Variants in SYNPO observed in about 807,000 individuals in gnomAD.
SYNPO encodes synaptopodin.
SYNPO carries 19 observed loss-of-function variants against 49.5 expected under a neutral mutation model. The observed-to-expected ratio is 0.38, with a 90% confidence interval of 0.27 to 0.56. SYNPO has a LOEUF of 0.56. Ranked by LOEUF, SYNPO falls within the 20% of genes least tolerant of loss-of-function variation. The probability of loss-of-function intolerance (pLI) is 0.68; values close to 1 mark genes in which losing one functional copy is unlikely to be tolerated. For synonymous variants in SYNPO, 536 were observed against 548.0 expected, an observed-to-expected ratio of 0.98 and a Z score of 0.31; for missense variants, 1,131 against 1,248.3, an observed-to-expected ratio of 0.91 and a Z score of 1.42.
chr5:150,641,374 G>A (rs1409516985), intron 1 of SYNPO, among the ~76,000 whole-genome samples: 2 of 152,198 alleles, frequency 1.3e-5, no homozygotes, highest in Non-Finnish European at 2.9e-5. Context: ...CAAGACCCCT[G>A]GACTACCACA....
intron 2 of SYNPO, among the ~76,000 whole-genome samples, chr5:150,655,465 C>A (rs1758519555): frequency 6.6e-6 from 1 of 152,202 alleles, no homozygotes; most frequent in African/African-American, 2.4e-5. Context: ...GGGCCCGGGA[C>A]CTCCCTCCCA....
the SYNPO span, among the ~76,000 whole-genome samples, chr5:150,588,234 G>T: frequency 6.6e-6 from 1 of 152,182 alleles, no homozygotes; most frequent in Non-Finnish European, 1.5e-5. Context: ...TCTTGAGCCA[G>T]CCTGGCCACC....
chr5:150,626,511 C>A (rs1241073027), intron 2 of SYNPO, among the ~76,000 whole-genome samples: 1 of 152,226 alleles, frequency 6.6e-6, no homozygotes, highest in Non-Finnish European at 1.5e-5. Flanking sequence ...AAGCCATGGG[C>A]CGGCTCCCCT....
chr5:150,644,888 C>T (rs559316826), intron 1 of SYNPO, among the ~76,000 whole-genome samples: 39 of 151,912 alleles, frequency 2.6e-4, no homozygotes, highest in Non-Finnish European at 4.0e-4. Flanking sequence ...GAGTCCTACT[C>T]GGGGGGAGTA....
chr5:150,644,148 G>A (rs867767406), intron 1 of SYNPO, among the ~76,000 whole-genome samples: 2 of 146,830 alleles, frequency 1.4e-5, no homozygotes, highest in African/African-American at 2.6e-5. Context: ...GCCCTCCAGC[G>A]ACAGAGCAAG....
intron 2 of SYNPO, among the ~76,000 whole-genome samples, chr5:150,633,904 T>C (rs991362611): frequency 6.6e-6 from 1 of 152,148 alleles, no homozygotes; most frequent in African/African-American, 2.4e-5. Flanking sequence ...GGAGGATTGC[T>C]TGAGCTCAGG....
Position 150,649,289 on chromosome 5 carries a change from C to T in SYNPO, c.1014C>T (p.Pro338=), listed in dbSNP as rs1366988483. Reference sequence around the variant, plus strand: ...TGGCTTCCTGGGTGAGGTCTCCTCCCTCATATTCTGTCCTGTATCCCAGCT... The same window carrying T: ...TGGCTTCCTGGGTGAGGTCTCCTCCTTCATATTCTGTCCTGTATCCCAGCT... ...APLASWVRSP[P]SYSVLYPSSD... is the part of the protein sequence containing the mutation. Residue 338 remains proline, a synonymous_variant, in exon 2 of 3, where the codon CCC becomes CCT. Coordinates refer to ENST00000307662, the MANE Select transcript of SYNPO (RefSeq NM_007286.6). The T allele has an allele frequency of 1.9e-6, 3 of 1,614,104 alleles. No homozygotes were observed. The African/African-American group carries it at 4.0e-5, about 22-fold the overall frequency.
At chr5:150,617,306 G>T (rs199552791) in intron 1 of SYNPO, among the ~76,000 whole-genome samples, 2,221 of 125,442 alleles carry the variant, frequency 0.018, 64 homozygotes, top group African/African-American at 0.093. Context: ...ATCTTCTTTT[G>T]TTTTTTTTGG....
At position 150,657,785 on chromosome 5, in the gene SYNPO, A is replaced by T. The variant is rs977005370; in HGVS notation, c.*698A>T. ...CAAGGTGTCCCACTATCCCCTCTGG[A>T]GGGAAGAGGCAGGAAAATTCTCCCC... On this transcript the variant is annotated 3_prime_UTR_variant, in exon 3 of 3. Transcript: ENST00000307662. 1 of 152,552 alleles carries T rather than the reference A, an allele frequency of 6.6e-6. No homozygotes were observed. The highest frequency in any genetic ancestry group is 2.4e-5 in the African/African-American group (1 of 41,438). 9.4% of individuals were successfully genotyped at this position (152,552 alleles called of 1,614,324 possible). A position where few individuals can be genotyped will look rare whatever the true frequency, so the allele number is the denominator to read the frequency against.
At chr5:150,593,571 C>G in the SYNPO span, among the ~76,000 whole-genome samples, 3 of 152,174 alleles carry the variant, frequency 2.0e-5, no homozygotes, top group Non-Finnish European at 4.4e-5. Context: ...AAACCATCCT[C>G]TCACCTCCGC....
chr5:150,649,730 C>T lies in SYNPO; in HGVS notation c.1455C>T (p.Ala485=), dbSNP rs1270762133. ...CTGGGAAGGGAGCTGAGCTCTACGC[C>T]CGCCGCCAGTCACGGATGGAGAAAT... ...EASGKGAELY[A]RRQSRMEKYV... The change falls in exon 2 of 3, where the codon GCC becomes GCT. Residue 485 remains alanine (A), a synonymous_variant. Coordinates refer to ENST00000307662, the MANE Select transcript of SYNPO (RefSeq NM_007286.6). 3 of 1,613,008 alleles carry T rather than the reference C, an allele frequency of 1.9e-6. No individual in the cohort carries two copies. Among genetic ancestry groups the T allele is most frequent in the East Asian group, 4.5e-5 (2 of 44,878 alleles).
chr5:150,601,640 G>GAT (rs2151331855), intron 1 of SYNPO, among the ~76,000 whole-genome samples: 1 of 152,298 alleles, frequency 6.6e-6, no homozygotes, highest in East Asian at 1.9e-4. Context: ...CTGCTTGCAG[G>GAT]GCTGAAGTGG....
chr5:150,637,205 C>G (rs1757744941), upstream of SYNPO, among the ~76,000 whole-genome samples: 2 of 152,086 alleles, frequency 1.3e-5, 1 homozygote, highest in South Asian at 4.2e-4. Context: ...GGAGGGCTGT[C>G]TGTGGGAGGA....
upstream of SYNPO, among the ~76,000 whole-genome samples, chr5:150,637,620 C>T (rs529860397): frequency 6.6e-6 from 1 of 152,364 alleles, no homozygotes; most frequent in East Asian, 1.9e-4. Context: ...TTGTCTGTCC[C>T]AGAGCCCCAG....
Position 150,648,221 on chromosome 5 carries a change from C to T in SYNPO, c.-55C>T. On this transcript the variant is annotated 5_prime_UTR_variant, in exon 2 of 3. Coordinates refer to ENST00000307662, the MANE Select transcript of SYNPO (RefSeq NM_007286.6). The surrounding 1 kb of genome is among the most constrained non-coding windows in gnomAD (Gnocchi z 5.0). ...GTTCCACCTCGCTGCCGGAGCCAGG[C>T]CCTCCACGGCACCCCAGTCCCCAGA... 6.2e-7 allele frequency: 1 copy of T among 1,609,408 alleles called. No individual in the cohort carries two copies. Among genetic ancestry groups the T allele is most frequent in the Non-Finnish European group, 8.5e-7 (1 of 1,177,746 alleles).
intron 2 of SYNPO, among the ~76,000 whole-genome samples, chr5:150,621,197 C>A (rs1373283939): frequency 6.6e-6 from 1 of 152,196 alleles, no homozygotes; most frequent in Non-Finnish European, 1.5e-5. Flanking sequence ...AGGCGGTCTG[C>A]CTGCCTCGGC....
In SYNPO at chr5:150,649,349, G is replaced by C; in HGVS notation, c.1074G>C (p.Ala358=). The change falls in exon 2 of 3, where the codon GCG becomes GCC. Residue 358 remains alanine, a synonymous_variant. Transcript: ENST00000307662. ...DPKSSHLKGQ[A]VPASKTGILE... ...AGTCTTCTCATCTGAAGGGCCAGGC[G>C]GTTCCTGCCAGCAAGACGGGCATTC... The C allele has an allele frequency of 1.2e-6, 2 of 1,614,188 alleles. No individual in the cohort carries two copies. Among genetic ancestry groups the C allele is most frequent in the African/African-American group, 2.7e-5 (2 of 75,048 alleles).
intron 1 of SYNPO, among the ~76,000 whole-genome samples, chr5:150,646,240 G>A (rs568619479): frequency 2.0e-4 from 30 of 151,954 alleles, no homozygotes; most frequent in South Asian, 6.3e-4. Context: ...TTGGGAGGCC[G>A]AGGTGGGAGG....
intron 1 of SYNPO, among the ~76,000 whole-genome samples, chr5:150,609,016 C>A (rs1314032310): frequency 1.3e-5 from 2 of 152,202 alleles, no homozygotes; most frequent in Non-Finnish European, 2.9e-5. Flanking sequence ...ATTCACTAGT[C>A]ATGGTTTTAA....
Sources: gnomAD v4.1 joint callset for allele counts (sites outside exome capture counted in the v4.1 genomes callset) on GRCh38, gnomAD v4.1.1 for gene constraint, Gnocchi (gnomAD v3.1) non-coding constraint, MANE v1.5 for transcripts, NCBI Gene and HGNC (gene_info 2026-07-23, HGNC 2026-07-21) for gene names.